Variants in GXYLT2 observed in about 807,000 individuals in gnomAD.
GXYLT2 encodes glucoside xylosyltransferase 2, also known as glycosyltransferase 8 domain containing 4.
Under a neutral mutation model 45.8 loss-of-function variants are expected in GXYLT2, and 53 were observed. That is an observed-to-expected ratio of 1.16 (90% CI 0.93 to 1.46). The LOEUF (loss-of-function observed/expected upper bound fraction) is 1.46, where lower values mean the gene tolerates loss of function less well. Ranked by LOEUF, GXYLT2 falls within the 40% of genes most tolerant of loss-of-function variation. The probability of loss-of-function intolerance (pLI) is 0.00; values close to 1 mark genes in which losing one functional copy is unlikely to be tolerated. For missense variants in GXYLT2, 551 were observed against 544.4 expected, an observed-to-expected ratio of 1.01 and a Z score of -0.12; for synonymous variants, 219 against 214.2, an observed-to-expected ratio of 1.02 and a Z score of -0.19.
At chr3:72,915,368 G>GA (rs1470499552) in intron 2 of GXYLT2, among the ~76,000 whole-genome samples, 1 of 107,096 alleles carries the variant, frequency 9.3e-6, no homozygotes, top group Admixed American at 9.3e-5. Context: ...GGGGGGGGGG[G>GA]GATTTAGGAA....
At chr3:72,925,163 T>C (rs1013152989) in intron 3 of GXYLT2, among the ~76,000 whole-genome samples, 6 of 150,424 alleles carry the variant, frequency 4.0e-5, no homozygotes, top group Middle Eastern at 6.8e-3. Context: ...TTTCTTTCTT[T>C]TTTTTTTTTT....
chr3:72,936,483 T>C (rs867335776), intron 3 of GXYLT2, among the ~76,000 whole-genome samples: 95 of 151,202 alleles, frequency 6.3e-4, no homozygotes, highest in African/African-American at 2.3e-3. Flanking sequence ...CTACTAAAAA[T>C]ACAAAAATTA....
In GXYLT2 at chr3:72,918,621, T is replaced by G. The variant is rs190754860; in HGVS notation, c.469-3583T>G. Among the ~76,000 whole-genome samples the G allele has an allele frequency of 3.3e-5, 5 of 152,102 alleles. No homozygotes were observed. In the East Asian group the frequency reaches 9.7e-4, roughly 29 times the overall value. ...GGGCGGATTGCCTGAGCTCAGGAGT[T>G]CAAGACCAGCCTGGGAAACATGGCG... On this transcript the variant is annotated intron_variant, in intron 2 of 6. Transcript: ENST00000389617.
intron 3 of GXYLT2, among the ~76,000 whole-genome samples, chr3:72,937,373 G>A (rs761281753): frequency 3.9e-5 from 6 of 152,166 alleles, no homozygotes; most frequent in Non-Finnish European, 8.8e-5. Context: ...AAGAAATGCT[G>A]CTTTAAAATA....
At chr3:72,973,417 C>T (rs1195115504) in intron 6 of GXYLT2, among the ~76,000 whole-genome samples, 1 of 152,176 alleles carries the variant, frequency 6.6e-6, no homozygotes, top group Non-Finnish European at 1.5e-5. Context: ...TCCAGGTCAC[C>T]TTGAACCTTT....
At chr3:72,952,192 A>G (rs561012449) in intron 3 of GXYLT2, among the ~76,000 whole-genome samples, 6 of 151,916 alleles carry the variant, frequency 3.9e-5, no homozygotes, top group African/African-American at 1.4e-4. Context: ...TAGTAGAGAC[A>G]GGGTTTCAGC....
At chr3:72,930,215 A>C (rs1245255884) in intron 3 of GXYLT2, among the ~76,000 whole-genome samples, 1 of 151,882 alleles carries the variant, frequency 6.6e-6, no homozygotes, top group Non-Finnish European at 1.5e-5. Context: ...GATAAAGAAT[A>C]CAGTCGAACT....
intron 1 of GXYLT2, among the ~76,000 whole-genome samples, chr3:72,895,888 CTG>C (rs1709282107): frequency 2.6e-5 from 4 of 152,288 alleles, no homozygotes; most frequent in African/African-American, 9.6e-5. Flanking sequence ...ACATGAGAGA[CTG>C]TAATCTCATA....
intron 3 of GXYLT2, among the ~76,000 whole-genome samples, chr3:72,947,004 T>G (rs1710425070): frequency 6.6e-6 from 1 of 151,810 alleles, no homozygotes; most frequent in African/African-American, 2.4e-5. Context: ...ATTACTATTA[T>G]TGCTATTATT....
chr3:72,940,165 T>C (rs1000338419), intron 3 of GXYLT2, among the ~76,000 whole-genome samples: 1 of 152,134 alleles, frequency 6.6e-6, no homozygotes, highest in Admixed American at 6.6e-5. Flanking sequence ...CTCAAAAAAG[T>C]AAATAAAATG....
chr3:72,931,684 G>T (rs1710040495), intron 3 of GXYLT2, among the ~76,000 whole-genome samples: 1 of 151,966 alleles, frequency 6.6e-6, no homozygotes. Context: ...TACAAATGAG[G>T]AAAGGCCTCA....
At chr3:72,900,325 A>G (rs910081296) in intron 1 of GXYLT2, among the ~76,000 whole-genome samples, 3 of 152,134 alleles carry the variant, frequency 2.0e-5, no homozygotes, top group African/African-American at 7.2e-5. Flanking sequence ...TATTCTGAAT[A>G]TCATTTTTCA....
intron 3 of GXYLT2, among the ~76,000 whole-genome samples, chr3:72,932,744 TAAGATGAGGA>T (rs1194645626): frequency 6.6e-6 from 1 of 152,238 alleles, no homozygotes; most frequent in African/African-American, 2.4e-5. Context: ...GTTACTTTGT[TAAGATGAGGA>T]ATATGAGATA....
At chr3:72,934,995 C>T in intron 3 of GXYLT2, among the ~76,000 whole-genome samples, 1 of 152,156 alleles carries the variant, frequency 6.6e-6, no homozygotes, top group East Asian at 1.9e-4. Context: ...TACTTCCAAA[C>T]AGCTGGAATA....
intron 1 of GXYLT2, among the ~76,000 whole-genome samples, chr3:72,898,776 C>T (rs1463384073): frequency 3.3e-5 from 5 of 150,926 alleles, no homozygotes; most frequent in African/African-American, 7.3e-5. Flanking sequence ...TTGTTGCCCA[C>T]GCTGGAGTGT....
intron 3 of GXYLT2, among the ~76,000 whole-genome samples, chr3:72,950,940 A>G (rs1001521663): frequency 1.3e-5 from 2 of 152,192 alleles, no homozygotes; most frequent in Admixed American, 1.3e-4. Flanking sequence ...ATTACATTAT[A>G]GCCAGCAGCA....
At chr3:72,914,563 G>A (rs974845564) in intron 2 of GXYLT2, among the ~76,000 whole-genome samples, 21 of 151,620 alleles carry the variant, frequency 1.4e-4, no homozygotes, top group Admixed American at 5.9e-4. Context: ...GCGCGCTTGC[G>A]TGCGCATGTA....
At chr3:72,910,830 A>G (rs890702654) in intron 2 of GXYLT2, among the ~76,000 whole-genome samples, 13 of 152,160 alleles carry the variant, frequency 8.5e-5, no homozygotes, top group African/African-American at 2.9e-4. Flanking sequence ...ACTGCAGGGG[A>G]CTGAGAAGTG....
chr3:72,930,737 G>T (rs1710014241), intron 3 of GXYLT2, among the ~76,000 whole-genome samples: 1 of 151,466 alleles, frequency 6.6e-6, no homozygotes, highest in Non-Finnish European at 1.5e-5. Context: ...GGGACTACAG[G>T]TGTGCACCAC....
Sources: gnomAD v4.1 joint callset for allele counts (sites outside exome capture counted in the v4.1 genomes callset) on GRCh38, gnomAD v4.1.1 for gene constraint, MANE v1.5 for transcripts, NCBI Gene and HGNC (gene_info 2026-07-23, HGNC 2026-07-21) for gene names.